Variants in RMST observed in about 807,000 individuals in gnomAD.
The protein encoded by RMST is rhabdomyosarcoma 2 associated transcript, also known as long intergenic non-protein coding RNA 54.
At chr12:97,554,218 T>C (rs1883527258) in intron 11 of RMST, among the ~76,000 whole-genome samples, 1 of 152,134 alleles carries the variant, frequency 6.6e-6, no homozygotes, top group East Asian at 1.9e-4. Flanking sequence ...CCTCCCAAAG[T>C]GCTGGGATTA....
chr12:97,508,018 A>G (rs1878885408), intron 10 of RMST, among the ~76,000 whole-genome samples: 1 of 152,208 alleles, frequency 6.6e-6, no homozygotes, highest in South Asian at 2.1e-4. Flanking sequence ...CAAATTTCAC[A>G]AAGTGGCCAA....
intron 10 of RMST, among the ~76,000 whole-genome samples, chr12:97,507,575 C>G (rs7316835): frequency 0.66 from 99,669 of 151,960 alleles, 34,282 homozygotes; most frequent in Middle Eastern, 0.83. Context: ...AGTGGATGGT[C>G]GTGCCACTAT....
chr12:97,555,983 T>C (rs1022757851), intron 11 of RMST, among the ~76,000 whole-genome samples: 6 of 152,214 alleles, frequency 3.9e-5, no homozygotes, highest in African/African-American at 1.4e-4. Context: ...CTAATCTTTC[T>C]TCCCCCTTCT....
At chr12:97,506,816 T>A (rs1220247552) in intron 10 of RMST, among the ~76,000 whole-genome samples, 1 of 151,480 alleles carries the variant, frequency 6.6e-6, no homozygotes, top group Non-Finnish European at 1.5e-5. Flanking sequence ...CCTGAGTAGC[T>A]GGGATTACAG....
intron 11 of RMST, among the ~76,000 whole-genome samples, chr12:97,545,284 G>C (rs1882848709): frequency 6.6e-6 from 1 of 151,954 alleles, no homozygotes; most frequent in Non-Finnish European, 1.5e-5. Flanking sequence ...AGTTTATAAT[G>C]CACCTTTACA....
At chr12:97,546,897 T>C (rs1882976709) in intron 11 of RMST, among the ~76,000 whole-genome samples, 1 of 152,056 alleles carries the variant, frequency 6.6e-6, no homozygotes, top group Non-Finnish European at 1.5e-5. Context: ...TCTCTTGGAC[T>C]AATTCCTTCT....
At chr12:97,542,445 G>A (rs1882619351) in intron 11 of RMST, among the ~76,000 whole-genome samples, 2 of 151,780 alleles carry the variant, frequency 1.3e-5, no homozygotes, top group African/African-American at 4.8e-5. Flanking sequence ...AACAGGAAAG[G>A]ACTTCTCGAA....
intron 11 of RMST, chr12:97,532,655 T>TTTG (rs1013423863): frequency 7.3e-5 from 11 of 149,680 alleles, no homozygotes; most frequent in Admixed American, 2.0e-4. Flanking sequence ...GTTTTTTTTT[T>TTTG]TTTTTTTTTT....
At chr12:97,558,591 G>GT (rs879610984) in intron 11 of RMST, among the ~76,000 whole-genome samples, 39 of 151,602 alleles carry the variant, frequency 2.6e-4, no homozygotes, top group Non-Finnish European at 4.1e-4. Flanking sequence ...ATACAGCTGA[G>GT]TTTTTTTTTC....
chr12:97,484,436 C>G (rs559593822), intron 5 of RMST, among the ~76,000 whole-genome samples: 122 of 152,306 alleles, frequency 8.0e-4, no homozygotes, highest in South Asian at 1.5e-3. Flanking sequence ...TTGCTACATG[C>G]TTTTAGTCAT....
chr12:97,479,340 T>C (rs1874947820), intron 5 of RMST, among the ~76,000 whole-genome samples: 1 of 151,892 alleles, frequency 6.6e-6, no homozygotes, highest in Non-Finnish European at 1.5e-5. Flanking sequence ...TTTGTAGAGA[T>C]GGGGGTCTCT....
intron 10 of RMST, among the ~76,000 whole-genome samples, chr12:97,502,604 G>A (rs1352109688): frequency 1.3e-5 from 2 of 152,100 alleles, no homozygotes; most frequent in Non-Finnish European, 2.9e-5. Context: ...CAGACAACAA[G>A]CTCATGCCAC....
chr12:97,507,136 G>A (rs1878771861), intron 10 of RMST, among the ~76,000 whole-genome samples: 1 of 152,100 alleles, frequency 6.6e-6, no homozygotes, highest in Non-Finnish European at 1.5e-5. Flanking sequence ...AGGTGGTGAT[G>A]GACTGAATAT....
chr12:97,550,611 T>G (rs554116136), intron 11 of RMST, among the ~76,000 whole-genome samples: 110 of 152,264 alleles, frequency 7.2e-4, no homozygotes, highest in African/African-American at 2.4e-3. Flanking sequence ...CAAAGTTAAA[T>G]TTAAATTCCC....
intron 5 of RMST, among the ~76,000 whole-genome samples, chr12:97,486,786 T>C (rs1205482775): frequency 6.6e-6 from 1 of 152,156 alleles, no homozygotes; most frequent in African/African-American, 2.4e-5. Flanking sequence ...AGTATGACAT[T>C]GCCATTTAAT....
intron 5 of RMST, among the ~76,000 whole-genome samples, chr12:97,465,972 C>G (rs1256787237): frequency 2.0e-5 from 3 of 152,050 alleles, no homozygotes; most frequent in African/African-American, 4.8e-5. Context: ...AAATAAGCAG[C>G]TTTTTATTTC....
At chr12:97,488,342 G>C (rs1292971784) in intron 5 of RMST, among the ~76,000 whole-genome samples, 2 of 152,174 alleles carry the variant, frequency 1.3e-5, no homozygotes, top group Non-Finnish European at 2.9e-5. Flanking sequence ...GGTGGGTGCA[G>C]TTGGGATTCA....
intron 10 of RMST, among the ~76,000 whole-genome samples, chr12:97,519,509 A>G (rs1348145083): frequency 6.6e-6 from 1 of 152,204 alleles, no homozygotes; most frequent in Non-Finnish European, 1.5e-5. Context: ...AATTTTATCC[A>G]TACCAAAGTT....
intron 10 of RMST, among the ~76,000 whole-genome samples, chr12:97,510,032 A>G (rs1269019590): frequency 6.6e-6 from 1 of 152,240 alleles, no homozygotes; most frequent in Non-Finnish European, 1.5e-5. Context: ...GGTCAATAAA[A>G]GACTGCTGGA....
Sources: gnomAD v4.1 joint callset for allele counts (sites outside exome capture counted in the v4.1 genomes callset) on GRCh38, gnomAD v4.1.1 for gene constraint, MANE v1.5 for transcripts, NCBI Gene and HGNC (gene_info 2026-07-23, HGNC 2026-07-21) for gene names.